CDH13: variants seen among roughly 807,000 people sequenced by gnomAD.
The protein encoded by CDH13 is cadherin-13.
A neutral mutation model predicts 63.8 loss-of-function variants in CDH13; 24 were observed. The observed-to-expected ratio is 0.38, with a 90% CI of 0.27 to 0.53. The LOEUF is 0.53. Ranked by LOEUF, CDH13 falls within the 20% of genes least tolerant of loss-of-function variation. The pLI, the probability that CDH13 is intolerant of heterozygous loss-of-function variation, is 0.85. For synonymous variants in CDH13, 503 were observed against 355.3 expected, an observed-to-expected ratio of 1.42 and a Z score of -4.67; for missense variants, 1,049 against 903.1, an observed-to-expected ratio of 1.16 and a Z score of -2.07.
chr16:83,193,990 A>C (rs1272713183), intron 4 of CDH13, among the ~76,000 whole-genome samples: 1 of 152,208 alleles, frequency 6.6e-6, no homozygotes, highest in Non-Finnish European at 1.5e-5. Flanking sequence ...CGAGGAGGGA[A>C]GAGTCCGATG....
At chr16:83,251,033 C>A (rs1431308741) in intron 5 of CDH13, among the ~76,000 whole-genome samples, 1 of 152,024 alleles carries the variant, frequency 6.6e-6, no homozygotes, top group Non-Finnish European at 1.5e-5. Flanking sequence ...CCCCAGCCAA[C>A]CTTCTCCAAT....
At chr16:82,779,262 G>A (rs1324534043) in intron 1 of CDH13, among the ~76,000 whole-genome samples, 1 of 152,080 alleles carries the variant, frequency 6.6e-6, no homozygotes, top group Non-Finnish European at 1.5e-5. Context: ...GAAGTTGAGG[G>A]ACATGTCCAA....
At chr16:83,572,175 G>GTTGTGTGT (rs145519267) in intron 7 of CDH13, among the ~76,000 whole-genome samples, 16 of 145,694 alleles carry the variant, frequency 1.1e-4, no homozygotes, top group African/African-American at 3.6e-4. Context: ...ACTTTCCTGT[G>GTTGTGTGT]GTGTGTGTGT....
intron 1 of CDH13, among the ~76,000 whole-genome samples, chr16:82,849,962 A>G (rs1022619390): frequency 1.3e-5 from 2 of 152,254 alleles, no homozygotes; most frequent in African/African-American, 4.8e-5. Context: ...TTCATTGACA[A>G]TGTACCTGGA....
intron 1 of CDH13, among the ~76,000 whole-genome samples, chr16:82,785,685 C>A (rs527508283): frequency 6.6e-6 from 1 of 152,326 alleles, no homozygotes; most frequent in South Asian, 2.1e-4. Context: ...AGGACAATTT[C>A]TTTCCTTTCT....
At chr16:82,827,732 CT>C (rs1342018860) in intron 1 of CDH13, among the ~76,000 whole-genome samples, 3 of 152,082 alleles carry the variant, frequency 2.0e-5, no homozygotes, top group Non-Finnish European at 4.4e-5. Flanking sequence ...CATGAATGCC[CT>C]TTTTTACTTG....
intron 1 of CDH13, among the ~76,000 whole-genome samples, chr16:82,780,600 T>G (rs546014810): frequency 9.2e-5 from 14 of 152,262 alleles, no homozygotes; most frequent in Non-Finnish European, 8.8e-5. Flanking sequence ...TCATTTAAAA[T>G]AGAGTAGCAT....
At chr16:83,652,120 C>T (rs890018041) in intron 8 of CDH13, among the ~76,000 whole-genome samples, 3 of 152,150 alleles carry the variant, frequency 2.0e-5, no homozygotes, top group Non-Finnish European at 4.4e-5. Flanking sequence ...GAATATGCGA[C>T]GTGCTCATGG....
chr16:82,663,745 G>C (rs562384694), intron 1 of CDH13, among the ~76,000 whole-genome samples: 1 of 152,212 alleles, frequency 6.6e-6, no homozygotes, highest in South Asian at 2.1e-4. Flanking sequence ...TGGTTTCTAG[G>C]TCCAGCCAAA....
chr16:83,572,563 C>G (rs1220693163), intron 7 of CDH13, among the ~76,000 whole-genome samples: 1 of 152,162 alleles, frequency 6.6e-6, no homozygotes, highest in Admixed American at 6.6e-5. Flanking sequence ...CAGTACTGAG[C>G]ACAGTGCCTG....
chr16:82,964,244 C>T (rs1272410628), intron 2 of CDH13, among the ~76,000 whole-genome samples: 1 of 152,140 alleles, frequency 6.6e-6, no homozygotes, highest in African/African-American at 2.4e-5. Context: ...CCTTGAAGTC[C>T]CCTGTAAAGC....
intron 1 of CDH13, among the ~76,000 whole-genome samples, chr16:82,748,668 T>G (rs955141467): frequency 6.6e-6 from 1 of 152,184 alleles, no homozygotes; most frequent in Non-Finnish European, 1.5e-5. Flanking sequence ...TAGTAAGGCA[T>G]GTTAGCCTCA....
intron 1 of CDH13, among the ~76,000 whole-genome samples, chr16:82,831,681 A>C (rs1245235685): frequency 6.6e-6 from 1 of 152,222 alleles, no homozygotes; most frequent in African/African-American, 2.4e-5. Flanking sequence ...AGGTAAAACA[A>C]ATTCTCAGAT....
At chr16:83,670,346 A>C (rs1183771803) in intron 8 of CDH13, among the ~76,000 whole-genome samples, 1 of 152,234 alleles carries the variant, frequency 6.6e-6, no homozygotes, top group Non-Finnish European at 1.5e-5. Flanking sequence ...TTTGTTTCTC[A>C]TTCAATGATA....
chr16:83,110,252 G>A (rs78045524), intron 3 of CDH13, among the ~76,000 whole-genome samples: 1 of 152,180 alleles, frequency 6.6e-6, no homozygotes, highest in Admixed American at 6.5e-5. Context: ...ATCAACTGCT[G>A]CTTCTTTAAA....
intron 3 of CDH13, among the ~76,000 whole-genome samples, chr16:83,038,973 G>C (rs187039652): frequency 1.4e-4 from 21 of 152,302 alleles, no homozygotes; most frequent in African/African-American, 4.3e-4. Context: ...TTCTGACATT[G>C]GGTTTGGGAA....
intron 1 of CDH13, among the ~76,000 whole-genome samples, chr16:82,735,033 C>A (rs2151042731): frequency 6.6e-6 from 1 of 152,300 alleles, no homozygotes; most frequent in African/African-American, 2.4e-5. Context: ...ATGAAGGTGG[C>A]TTGAACCAGG....
intron 7 of CDH13, among the ~76,000 whole-genome samples, chr16:83,524,240 C>T (rs1455553787): frequency 6.6e-6 from 1 of 152,030 alleles, no homozygotes; most frequent in African/African-American, 2.4e-5. Context: ...AATCAGCATG[C>T]AGTGTACATG....
intron 3 of CDH13, among the ~76,000 whole-genome samples, chr16:83,102,591 G>C (rs575476993): frequency 6.6e-6 from 1 of 152,150 alleles, no homozygotes; most frequent in Non-Finnish European, 1.5e-5. Flanking sequence ...TGGAAGCTAC[G>C]AAGCAGAGGA....
Sources: gnomAD v4.1 joint callset for allele counts (sites outside exome capture counted in the v4.1 genomes callset) on GRCh38, gnomAD v4.1.1 for gene constraint, MANE v1.5 for transcripts, NCBI Gene and HGNC (gene_info 2026-07-23, HGNC 2026-07-21) for gene names.